Variants in PDE4D observed in about 807,000 individuals in gnomAD.
PDE4D encodes the protein phosphodiesterase 4D.
PDE4D carries 24 observed loss-of-function variants against 87.4 expected under a neutral mutation model. The ratio of observed to expected loss-of-function variants is 0.27; its 90% confidence interval spans 0.20 to 0.39. PDE4D has a LOEUF of 0.39. PDE4D is among the 10% of genes least tolerant of loss of function. The pLI, the probability that PDE4D is intolerant of heterozygous loss-of-function variation, is 1.00. For synonymous variants in PDE4D, 384 were observed against 383.2 expected (o/e 1.00, Z -0.02); for missense variants, 714 against 1,041.0 (o/e 0.69, Z 4.32).
intron 1 of PDE4D, among the ~76,000 whole-genome samples, chr5:59,554,479 GC>G (rs1261200590): frequency 1.1e-4 from 17 of 152,254 alleles, no homozygotes; most frequent in African/African-American, 3.6e-4. Flanking sequence ...TAGACTCTAA[GC>G]TTTTAATCAC....
At chr5:59,784,777 C>T (rs979761386) in intron 1 of PDE4D, among the ~76,000 whole-genome samples, 1 of 152,132 alleles carries the variant, frequency 6.6e-6, no homozygotes, top group African/African-American at 2.4e-5. Context: ...TCATGATTCC[C>T]ATGTGTTGTG....
rs140642226 is a variant in PDE4D at position 59,572,746 on chromosome 5, C to A, written c.455+320422G>T. On this transcript the variant is annotated intron_variant, in intron 1 of 14. Transcript: ENST00000340635. ...CCACCCGCCTCGGCCTCCCAAAGTG[C>A]TGGGATTACAGGCGTGAGCCACCAC... Among the ~76,000 whole-genome samples, 1,509 of 152,326 alleles carry A rather than the reference C, an allele frequency of 9.9e-3. 73 individuals are homozygous for A. Among genetic ancestry groups the A allele is most frequent in the Admixed American group, 0.088 (1,352 of 15,300 alleles).
chr5:59,176,485 C>G (rs548056683), intron 5 of PDE4D, among the ~76,000 whole-genome samples: 2 of 150,968 alleles, frequency 1.3e-5, no homozygotes, highest in South Asian at 4.2e-4. Flanking sequence ...ACCCAGGAGG[C>G]GGAGGTTGCA....
At chr5:59,659,841 T>A (rs1744954150) in intron 1 of PDE4D, among the ~76,000 whole-genome samples, 1 of 152,154 alleles carries the variant, frequency 6.6e-6, no homozygotes, top group African/African-American at 2.4e-5. Flanking sequence ...GTTAGAAGAT[T>A]CCTATTCTCT....
intron 3 of PDE4D, among the ~76,000 whole-genome samples, chr5:59,976,607 C>A (rs563646706): frequency 6.6e-6 from 1 of 152,152 alleles, no homozygotes. Flanking sequence ...CCAAATAAAT[C>A]TCTTTTCTTT....
intron 1 of PDE4D, among the ~76,000 whole-genome samples, chr5:59,665,368 T>TAA (rs1343491862): frequency 6.6e-6 from 1 of 152,164 alleles, no homozygotes; most frequent in Non-Finnish European, 1.5e-5. Context: ...GTTGATGGAG[T>TAA]AATTATCTTA....
intron 1 of PDE4D, among the ~76,000 whole-genome samples, chr5:60,318,713 G>A (rs1477970457): frequency 6.6e-6 from 1 of 152,052 alleles, no homozygotes; most frequent in Admixed American, 6.6e-5. Flanking sequence ...TTGCTTGTCT[G>A]TAAAGGATTT....
chr5:59,755,032 T>C (rs981284338), intron 1 of PDE4D, among the ~76,000 whole-genome samples: 1 of 152,080 alleles, frequency 6.6e-6, no homozygotes, highest in African/African-American at 2.4e-5. Flanking sequence ...GTTGGTATAT[T>C]AGATGGTTTG....
chr5:59,114,381 C>A (rs1773210300), intron 5 of PDE4D, among the ~76,000 whole-genome samples: 1 of 151,928 alleles, frequency 6.6e-6, no homozygotes, highest in Non-Finnish European at 1.5e-5. Flanking sequence ...GTAGTGTCAC[C>A]AACTGAGATA....
chr5:59,872,228 T>C (rs1747910555), intron 1 of PDE4D, among the ~76,000 whole-genome samples: 1 of 149,184 alleles, frequency 6.7e-6, no homozygotes, highest in Non-Finnish European at 1.5e-5. Flanking sequence ...CTGTAAACAA[T>C]GCAAAACCAC....
At chr5:59,067,951 A>T (rs7707541) in intron 5 of PDE4D, among the ~76,000 whole-genome samples, 58,603 of 151,966 alleles carry the variant, frequency 0.39, 11,664 homozygotes, top group African/African-American at 0.46. Flanking sequence ...GTACTTGGAG[A>T]CTCATATGTT....
chr5:58,988,631 C>A, intron 10 of PDE4D, 39 bp from the exon 11 acceptor site: 1 of 842,910 alleles, frequency 1.2e-6, no homozygotes, highest in Non-Finnish European at 1.8e-6. Context: ...TACTATTCTA[C>A]AATGATATGA....
intron 1 of PDE4D, among the ~76,000 whole-genome samples, chr5:59,410,785 G>T (rs1212255943): frequency 6.6e-6 from 1 of 151,976 alleles, no homozygotes; most frequent in Non-Finnish European, 1.5e-5. Context: ...CTTAGCTATT[G>T]TGAATAGTGC....
chr5:60,106,238 A>C (rs1293920470), intron 2 of PDE4D, among the ~76,000 whole-genome samples: 3 of 151,846 alleles, frequency 2.0e-5, no homozygotes, highest in Non-Finnish European at 2.9e-5. Context: ...CTTTAAACCA[A>C]CAAAGATCAA....
intron 1 of PDE4D, among the ~76,000 whole-genome samples, chr5:60,449,140 C>A (rs1745890348): frequency 7.9e-6 from 1 of 127,262 alleles, no homozygotes; most frequent in African/African-American, 3.1e-5. Flanking sequence ...AACACAGAAA[C>A]CATTAATTTG....
At chr5:60,272,561 G>T (rs765944704) in intron 1 of PDE4D, among the ~76,000 whole-genome samples, 1 of 152,164 alleles carries the variant, frequency 6.6e-6, no homozygotes, top group Non-Finnish European at 1.5e-5. Context: ...CATGAAGGCA[G>T]TTTATTCTTC....
intron 1 of PDE4D, among the ~76,000 whole-genome samples, chr5:59,256,721 T>C (rs16889478): frequency 0.011 from 1,686 of 152,158 alleles, 35 homozygotes; most frequent in African/African-American, 0.038. Context: ...TTTTGAGTGA[T>C]TCTATTTAGC....
intron 1 of PDE4D, among the ~76,000 whole-genome samples, chr5:59,845,323 G>C (rs1561755715): frequency 2.0e-5 from 3 of 152,056 alleles, no homozygotes; most frequent in South Asian, 4.1e-4. Context: ...TTTCAGGTCT[G>C]AGCTGTGAGA....
chr5:60,396,662 G>A (rs1472903531), intron 1 of PDE4D, among the ~76,000 whole-genome samples: 1 of 152,082 alleles, frequency 6.6e-6, no homozygotes, highest in Non-Finnish European at 1.5e-5. Context: ...TGAGTAGATG[G>A]GACTTCAGGT....
Sources: allele counts gnomAD v4.1 joint callset (sites outside exome capture counted in the v4.1 genomes callset), GRCh38; gene constraint gnomAD v4.1.1; transcripts MANE v1.5; gene names NCBI Gene and HGNC (gene_info 2026-07-23, HGNC 2026-07-21).